TRIM9: variants seen among roughly 807,000 people sequenced by gnomAD.
TRIM9 encodes the protein E3 ubiquitin-protein ligase TRIM9.
In TRIM9, 26 loss-of-function variants were observed where a neutral mutation model predicts 78.3. That is an observed-to-expected ratio of 0.33 (90% CI 0.24 to 0.46). The LOEUF (loss-of-function observed/expected upper bound fraction) is 0.46, where lower values mean the gene tolerates loss of function less well. Ranked by LOEUF, TRIM9 falls within the 20% of genes least tolerant of loss-of-function variation. The pLI, the probability that TRIM9 is intolerant of heterozygous loss-of-function variation, is 1.00. For missense variants in TRIM9, 787 were observed against 1,036.4 expected (o/e 0.76, Z 3.30); for synonymous variants, 398 against 416.5 (o/e 0.96, Z 0.54).
chr14:51,074,093 T>A (rs775978836), intron 1 of TRIM9, among the ~76,000 whole-genome samples: 173 of 152,194 alleles, frequency 1.1e-3, no homozygotes, highest in Non-Finnish European at 1.3e-3. Flanking sequence ...ATAATAGTAA[T>A]GATCATAACA....
At chr14:51,000,578 C>A in intron 6 of TRIM9, 105 bp downstream of exon 6, 1 of 1,481,110 alleles carries the variant, frequency 6.8e-7, no homozygotes. Context: ...CCAGGATGGC[C>A]TGTCCCCAGG....
intron 1 of TRIM9, among the ~76,000 whole-genome samples, chr14:51,038,113 A>G (rs1259250744): frequency 2.0e-5 from 3 of 152,130 alleles, no homozygotes; most frequent in Non-Finnish European, 2.9e-5. Flanking sequence ...CTTGAGATGG[A>G]GAGATTATCC....
At chr14:51,034,170 G>A (rs906694222) in intron 1 of TRIM9, among the ~76,000 whole-genome samples, 2 of 152,016 alleles carry the variant, frequency 1.3e-5, no homozygotes, top group African/African-American at 4.8e-5. Flanking sequence ...TGGCTTCTAA[G>A]GCTTTCTTGG....
chr14:51,093,997 C>T (rs1443734142), intron 1 of TRIM9, 121 bp downstream of exon 1: 1 of 975,970 alleles, frequency 1.0e-6, no homozygotes. Context: ...AGGTAAACAT[C>T]GAAGGCACCT....
At chr14:51,048,025 G>T (rs1340884548) in intron 1 of TRIM9, among the ~76,000 whole-genome samples, 1 of 151,584 alleles carries the variant, frequency 6.6e-6, no homozygotes, top group African/African-American at 2.4e-5. Context: ...CTTTAGGTAT[G>T]TAAAAGTAAT....
intron 1 of TRIM9, among the ~76,000 whole-genome samples, chr14:51,078,016 G>A (rs1192310572): frequency 6.6e-6 from 1 of 152,182 alleles, no homozygotes; most frequent in East Asian, 1.9e-4. Context: ...TAAACCTGAA[G>A]CTCTGTGCCT....
chr14:51,052,327 C>T (rs1033460857), intron 1 of TRIM9, among the ~76,000 whole-genome samples: 7 of 152,044 alleles, frequency 4.6e-5, no homozygotes, highest in Admixed American at 1.3e-4. Flanking sequence ...TCAAGGTCGG[C>T]GAATATAATA....
intron 3 of TRIM9, among the ~76,000 whole-genome samples, chr14:51,014,653 C>A (rs1460573356): frequency 6.6e-6 from 1 of 152,198 alleles, no homozygotes; most frequent in East Asian, 1.9e-4. Flanking sequence ...TAAATACTTT[C>A]TCTCTAGTTG....
chr14:50,987,780 T>TTTTA (rs967232082), intron 7 of TRIM9, among the ~76,000 whole-genome samples: 5 of 151,890 alleles, frequency 3.3e-5, no homozygotes, highest in South Asian at 2.1e-4. Context: ...CAATAAAATA[T>TTTTA]TTTATTTATT....
At chr14:51,015,841 GT>G (rs2057133479) in intron 3 of TRIM9, among the ~76,000 whole-genome samples, 1 of 152,042 alleles carries the variant, frequency 6.6e-6, no homozygotes, top group South Asian at 2.1e-4. Context: ...CTCATCATAG[GT>G]TTTGATGGGA....
intron 1 of TRIM9, among the ~76,000 whole-genome samples, chr14:51,048,611 T>A (rs1236238505): frequency 6.6e-6 from 1 of 151,970 alleles, no homozygotes; most frequent in East Asian, 1.9e-4. Context: ...TGTGCTTTCA[T>A]AGGTGTGTGT....
chr14:51,079,273 T>C lies in TRIM9; in HGVS notation c.822+14845A>G, dbSNP rs139994655. Among the ~76,000 whole-genome samples, 1,198 of 152,332 alleles carry C rather than the reference T, an allele frequency of 7.9e-3. 8 individuals carry two copies. Among genetic ancestry groups the C allele is most frequent in the South Asian group, 0.049 (235 of 4,826 alleles). Reference sequence around the variant, plus strand: ...TTGGCTCCACTCAGAAGAGAATAATTGGCCAATCTTTGGCTAGCCTCCAAA... The same window carrying C: ...TTGGCTCCACTCAGAAGAGAATAATCGGCCAATCTTTGGCTAGCCTCCAAA... On this transcript the variant is annotated intron_variant, in intron 1 of 12. Transcript: ENST00000684578.
chr14:50,978,016 A>C (rs1445671520), intron 12 of TRIM9, among the ~76,000 whole-genome samples: 3 of 152,090 alleles, frequency 2.0e-5, no homozygotes, highest in Non-Finnish European at 4.4e-5. Flanking sequence ...GAAATGGCTA[A>C]TGTGAAAAAC....
chr14:51,031,423 G>A (rs912257503), intron 1 of TRIM9, among the ~76,000 whole-genome samples: 4 of 152,178 alleles, frequency 2.6e-5, no homozygotes, highest in Admixed American at 6.5e-5. Context: ...GACTCTATCT[G>A]CCAGTCTCTG....
intron 1 of TRIM9, among the ~76,000 whole-genome samples, chr14:51,084,002 C>T (rs1419450577): frequency 6.6e-6 from 1 of 151,984 alleles, no homozygotes; most frequent in Non-Finnish European, 1.5e-5. Context: ...GGCAAGTAAA[C>T]AAGAATTGAG....
At chr14:50,984,510 A>T (rs1413737486) in intron 8 of TRIM9, among the ~76,000 whole-genome samples, 1 of 152,216 alleles carries the variant, frequency 6.6e-6, no homozygotes, top group African/African-American at 2.4e-5. Flanking sequence ...TCTATCAATT[A>T]TCACTTCAAT....
intron 1 of TRIM9, among the ~76,000 whole-genome samples, chr14:51,070,320 A>C (rs2062105248): frequency 6.6e-6 from 1 of 152,224 alleles, no homozygotes; most frequent in Admixed American, 6.5e-5. Flanking sequence ...ACAGAAACAT[A>C]CATAAAACAA....
At chr14:50,995,924 C>T (rs777567198) in intron 7 of TRIM9, 23 of 201,318 alleles carry the variant, frequency 1.1e-4, no homozygotes, top group Non-Finnish European at 1.8e-4. Flanking sequence ...TTATTTGATC[C>T]TATAGGCTTT....
chr14:51,081,752 C>T (rs1392352468), intron 1 of TRIM9, among the ~76,000 whole-genome samples: 1 of 152,178 alleles, frequency 6.6e-6, no homozygotes, highest in Non-Finnish European at 1.5e-5. Context: ...CTCAGGAGAA[C>T]ACTTTACTTA....
Sources: allele counts gnomAD v4.1 joint callset (sites outside exome capture counted in the v4.1 genomes callset), GRCh38; gene constraint gnomAD v4.1.1; transcripts MANE v1.5; gene names NCBI Gene and HGNC (gene_info 2026-07-23, HGNC 2026-07-21).